The following CUBN variants were observed in gnomAD, a reference collection of about 807,000 sequenced individuals.
CUBN encodes the protein cubilin.
CUBN carries 282 observed loss-of-function variants against 405.3 expected under a neutral mutation model. That is an observed-to-expected ratio of 0.70 (90% CI 0.63 to 0.77). The LOEUF is 0.77. Ranked by LOEUF, CUBN falls within the 30% of genes least tolerant of loss-of-function variation. CUBN has a pLI of 0.00. For synonymous variants in CUBN, 1,684 were observed against 1,617.0 expected, an observed-to-expected ratio of 1.04 and a Z score of -0.99; for missense variants, 4,514 against 4,475.2, an observed-to-expected ratio of 1.01 and a Z score of -0.25.
At chr10:16,911,150 A>T (rs1841718671) in intron 48 of CUBN, among the ~76,000 whole-genome samples, 1 of 152,170 alleles carries the variant, frequency 6.6e-6, no homozygotes, top group African/African-American at 2.4e-5. Context: ...TCTGGGGTGG[A>T]GAGGGTGTGG....
At chr10:16,939,176 G>T (rs781090061) in intron 37 of CUBN, 29 bp from the exon 38 acceptor site, 1 of 1,554,044 alleles carries the variant, frequency 6.4e-7, no homozygotes, top group Non-Finnish European at 8.9e-7. Context: ...TAGTAAATCA[G>T]ACCCACTTAG....
In CUBN at chr10:16,952,326, T is replaced by C; in HGVS notation, c.4919A>G (p.Asn1640Ser). 1 of 1,613,984 alleles carries C rather than the reference T, an allele frequency of 6.2e-7. No individual in the cohort carries two copies. The highest frequency in any genetic ancestry group is 1.1e-5 in the South Asian group (1 of 91,086). Residue 1640 changes from asparagine (N) to serine (S), a missense_variant, in exon 33 of 67, where the codon AAT (asparagine) becomes AGT (serine). By Grantham distance (46) the Asn-to-Ser change is conservative. Coordinates refer to ENST00000377833, the MANE Select transcript of CUBN (RefSeq NM_001081.4). ...GCTGCAGTTCTGATTGTTTGGATAA[T>C]TGGCAGGGAACCGTGGAGAGGAAAC... ...DTVSSPRFPA[N>S]YPNNQNCSWI...
intron 28 of CUBN, among the ~76,000 whole-genome samples, chr10:17,018,163 A>G (rs895647742): frequency 6.6e-6 from 1 of 152,166 alleles, no homozygotes; most frequent in Non-Finnish European, 1.5e-5. Flanking sequence ...TCTGGCGGCC[A>G]TGCTAGTCAC....
At chr10:17,020,085 T>G in intron 27 of CUBN, 102 bp from the exon 28 acceptor site, 1 of 1,344,348 alleles carries the variant, frequency 7.4e-7, no homozygotes, top group Non-Finnish European at 1.1e-6. Context: ...GGTTCAAAAG[T>G]TAGAGGTAAA....
At chr10:16,875,436 G>A (rs1422145611) in intron 57 of CUBN, among the ~76,000 whole-genome samples, 2 of 152,132 alleles carry the variant, frequency 1.3e-5, no homozygotes, top group Non-Finnish European at 2.9e-5. Context: ...ACTATCAGTG[G>A]ACACGTTCCA....
chr10:16,976,526 C>T (rs1833102069), intron 31 of CUBN, among the ~76,000 whole-genome samples: 1 of 151,016 alleles, frequency 6.6e-6, no homozygotes, highest in African/African-American at 2.4e-5. Flanking sequence ...AAAAGTACGT[C>T]ATTCTATTTA....
chr10:17,070,340 T>A (rs2131847322), intron 19 of CUBN, among the ~76,000 whole-genome samples: 1 of 152,312 alleles, frequency 6.6e-6, no homozygotes, highest in South Asian at 2.1e-4. Flanking sequence ...AACATTTTGG[T>A]TATTCTGGTT....
intron 29 of CUBN, 144 bp from the exon 30 acceptor site, chr10:16,984,423 T>C: frequency 2.5e-6 from 2 of 812,780 alleles, no homozygotes; most frequent in Admixed American, 2.2e-5. Context: ...GGGGATGCAC[T>C]ATAAACTTGA....
At chr10:16,878,130 A>G (rs1840565998) in intron 56 of CUBN, among the ~76,000 whole-genome samples, 1 of 152,208 alleles carries the variant, frequency 6.6e-6, no homozygotes, top group African/African-American at 2.4e-5. Flanking sequence ...TCTACTAAAA[A>G]TACAAAAATT....
chr10:16,864,974 T>C (rs1393403702), intron 59 of CUBN, among the ~76,000 whole-genome samples: 1 of 134,906 alleles, frequency 7.4e-6, no homozygotes, highest in Non-Finnish European at 1.5e-5. Flanking sequence ...TTTTTTTTTT[T>C]TTTGGGACGG....
At chr10:17,012,324 A>G (rs1317759849) in intron 28 of CUBN, among the ~76,000 whole-genome samples, 1 of 152,234 alleles carries the variant, frequency 6.6e-6, no homozygotes, top group East Asian at 1.9e-4. Context: ...GTCTGATATC[A>G]GAAGCTTTTT....
Position 16,925,601 on chromosome 10 carries a change from G to A in CUBN, c.6445C>T (p.Gln2149Ter). ...QIPNGDSSCN[Q>*]GDYLVLRNGP... is the part of the protein sequence containing the mutation. ...AGACCTACCACCAAGTAATCCCCCT[G>A]GTTGCAAGAAGAATCTCCATTTGGA... The change falls in exon 42 of 67, where the codon CAG (glutamine) becomes TAG (stop). Residue 2149 changes from glutamine to a stop codon, truncating the protein, a stop_gained. Transcript: ENST00000377833. LOFTEE classifies it high-confidence loss of function. 3 of 1,613,992 alleles carry A rather than the reference G, an allele frequency of 1.9e-6. No homozygotes were observed. Among genetic ancestry groups the A allele is most frequent in the Non-Finnish European group, 2.5e-6 (3 of 1,179,968 alleles).
intron 31 of CUBN, among the ~76,000 whole-genome samples, chr10:16,974,465 C>T (rs1833031910): frequency 6.6e-6 from 1 of 151,944 alleles, no homozygotes; most frequent in Non-Finnish European, 1.5e-5. Flanking sequence ...ACTCTGTCGC[C>T]CAGGCTGGAG....
intron 31 of CUBN, among the ~76,000 whole-genome samples, chr10:16,965,229 T>C (rs528303084): frequency 1.3e-5 from 2 of 152,282 alleles, no homozygotes; most frequent in East Asian, 3.9e-4. Flanking sequence ...TCCCCTGCCT[T>C]CCATTTGTGT....
At chr10:17,047,990 T>G (rs1347246108) in intron 22 of CUBN, among the ~76,000 whole-genome samples, 2 of 152,236 alleles carry the variant, frequency 1.3e-5, no homozygotes, top group Admixed American at 1.3e-4. Context: ...CACCAAAGCA[T>G]GCATTTATGA....
chr10:16,919,671 A>C lies in CUBN; in HGVS notation c.6821+292T>G, dbSNP rs1363841155. 2.6e-5 allele frequency among the ~76,000 whole-genome samples: 4 copies of C among 152,300 alleles called. 1 individual carries two copies. The highest frequency in any genetic ancestry group is 2.6e-4 in the Admixed American group (4 of 15,292). ...AATATTCATCTATCAGAAACATGATATATTTCCTGTGGGAGGAAGAATGGA... is the reference window on the plus strand; with the variant it reads ...AATATTCATCTATCAGAAACATGATCTATTTCCTGTGGGAGGAAGAATGGA... On this transcript the variant is annotated intron_variant, in intron 44 of 66. Coordinates refer to ENST00000377833, the MANE Select transcript of CUBN (RefSeq NM_001081.4).
chr10:17,048,097 T>C (rs1220292797), intron 22 of CUBN, among the ~76,000 whole-genome samples: 1 of 152,226 alleles, frequency 6.6e-6, no homozygotes, highest in African/African-American at 2.4e-5. Flanking sequence ...TCAAACACTG[T>C]CAAGCTCTGC....
intron 6 of CUBN, among the ~76,000 whole-genome samples, chr10:17,118,656 C>T (rs764422498): frequency 2.0e-5 from 3 of 152,110 alleles, no homozygotes; most frequent in Non-Finnish European, 4.4e-5. Flanking sequence ...AGGCTGGTCT[C>T]GAACTCCTGA....
chr10:16,824,995 G>T lies in CUBN; in HGVS notation c.10852C>A (p.Arg3618=). The T allele has an allele frequency of 1.2e-6, 2 of 1,613,612 alleles. No individual in the cohort carries two copies. Among genetic ancestry groups the T allele is most frequent in the South Asian group, 1.1e-5 (1 of 91,044 alleles). Residue 3618 remains arginine (R), a synonymous_variant, in exon 67 of 67, where the codon CGA becomes AGA. Coordinates refer to ENST00000377833, the MANE Select transcript of CUBN (RefSeq NM_001081.4). ...ADYARRPSAF[R]LTWDS The stretch of plus-strand genomic sequence containing the variant: ...CCCACTTAGCTGTCCCAAGTTAATC[G>T]GAATGCGGATGGACGCCGTGCATAA...
Sources: gnomAD v4.1 joint callset for allele counts (sites outside exome capture counted in the v4.1 genomes callset) on GRCh38, gnomAD v4.1.1 for gene constraint, MANE v1.5 for transcripts, NCBI Gene and HGNC (gene_info 2026-07-23, HGNC 2026-07-21) for gene names.